Variants in RASSF1 observed in about 807,000 individuals in gnomAD.
The protein encoded by RASSF1 is Ras association domain family member 1, also known as ras association domain-containing protein 1.
RASSF1 carries 33 observed loss-of-function variants against 34.3 expected under a neutral mutation model. The ratio of observed to expected loss-of-function variants is 0.96; its 90% confidence interval spans 0.73 to 1.29. RASSF1 has a LOEUF of 1.29. RASSF1 is among the 50% of genes most tolerant of loss of function. RASSF1 has a pLI of 0.00. For synonymous variants in RASSF1, 191 were observed against 195.0 expected, an observed-to-expected ratio of 0.98 and a Z score of 0.17; for missense variants, 445 against 471.8, an observed-to-expected ratio of 0.94 and a Z score of 0.53.
At chr3:50,331,517 G>A (rs377356708) in intron 4 of RASSF1, 42 bp downstream of exon 4, 12 of 859,678 alleles carry the variant, frequency 1.4e-5, no homozygotes, top group African/African-American at 5.2e-5. Flanking sequence ...AGGTGCATGC[G>A]TATATACCCT....
chr3:50,337,321 G>A (rs1703181862), intron 2 of RASSF1: 1 of 1,611,684 alleles, frequency 6.2e-7, no homozygotes, highest in Non-Finnish European at 8.5e-7. Context: ...CTCGCCCATA[G>A]CCGTACCCGC....
chr3:50,334,101 A>C (rs370778575), intron 2 of RASSF1, among the ~76,000 whole-genome samples: 2 of 152,134 alleles, frequency 1.3e-5, no homozygotes, highest in Non-Finnish European at 2.9e-5. Flanking sequence ...GAGTCCCCTT[A>C]AGCACTTAAA....
intron 2 of RASSF1, chr3:50,336,723 G>T: frequency 5.7e-6 from 1 of 175,772 alleles, no homozygotes; most frequent in Non-Finnish European, 1.2e-5. Context: ...TGGAGGAGCA[G>T]GATCTCTCTC....
At chr3:50,337,846 G>C in intron 2 of RASSF1, 59 bp downstream of exon 2, 3 of 1,449,058 alleles carry the variant, frequency 2.1e-6, no homozygotes, top group Non-Finnish European at 2.9e-6. Flanking sequence ...CCTCGAGAAT[G>C]CCTGCACTGT....
At chr3:50,337,786 G>T (rs1192005902) in intron 2 of RASSF1, 119 bp downstream of exon 2, 1 of 1,115,122 alleles carries the variant, frequency 9.0e-7, no homozygotes, top group Non-Finnish European at 1.3e-6. Context: ...TCTCTGTGCC[G>T]CCGGGAAATC....
intron 2 of RASSF1, chr3:50,337,618 C>G: frequency 9.1e-7 from 1 of 1,102,906 alleles, no homozygotes; most frequent in Non-Finnish European, 1.3e-6. Flanking sequence ...GGCAAGCGCA[C>G]AAGAGTGGCC....
At position 50,340,481 on chromosome 3, in the gene RASSF1, G is replaced by A. The variant is rs1703324273; in HGVS notation, c.250+75C>T. 14 of 1,382,894 alleles carry A rather than the reference G, an allele frequency of 1.0e-5. No homozygotes were observed. The Admixed American group carries it at 2.2e-4, about 21-fold the overall frequency. 85.7% of individuals were successfully genotyped at this position (1,382,894 alleles called of 1,614,324 possible). On this transcript the variant is annotated intron_variant, in intron 1 of 5. Transcript: ENST00000359365. ...TGTCCCCGCCGACCCCCTCTGCCGC[G>A]ACTTGACCCGCGGCGACTGCGCTGC...
At position 50,337,914 on chromosome 3, in the gene RASSF1, G is replaced by A. The variant is rs1703219998; in HGVS notation, c.348C>T (p.Asp116=). 2 of 1,607,972 alleles carry A rather than the reference G, an allele frequency of 1.2e-6. No homozygotes were observed. The highest frequency in any genetic ancestry group is 1.7e-5 in the Admixed American group (1 of 59,930). Residue 116 remains aspartate, a synonymous_variant, in exon 2 of 6, where the codon GAC becomes GAT. Coordinates refer to ENST00000359365, the MANE Select transcript of RASSF1 (RefSeq NM_007182.5). ...DLGWEPAVER[D]TNVDEPVEWE... is the part of the protein sequence containing the mutation. ...TCGGCCCCGCGCTCACCACGTTCGT[G>A]TCCCGCTCCACCGCGGGTTCCCAGC...
Position 50,330,252 on chromosome 3 carries a change from T to C in RASSF1, c.*329A>G. The C allele has an allele frequency of 3.5e-6, 1 of 283,982 alleles. No individual in the cohort carries two copies. Among genetic ancestry groups the C allele is most frequent in the Non-Finnish European group, 6.7e-6 (1 of 148,216 alleles). 17.6% of individuals were successfully genotyped at this position (283,982 alleles called of 1,614,324 possible). ...CCTGCAAACATGACCCTGTTCTGTTTGCAGGGTCTCCAAGATTTTCACTTC... is the reference window on the plus strand; with the variant it reads ...CCTGCAAACATGACCCTGTTCTGTTCGCAGGGTCTCCAAGATTTTCACTTC... On this transcript the variant is annotated 3_prime_UTR_variant, in exon 6 of 6. Coordinates refer to ENST00000359365, the MANE Select transcript of RASSF1 (RefSeq NM_007182.5). The surrounding 1 kb of genome is among the most constrained non-coding windows in gnomAD (Gnocchi z 4.5).
At chr3:50,336,909 T>C in intron 2 of RASSF1, 1 of 532,458 alleles carries the variant, frequency 1.9e-6, no homozygotes, top group South Asian at 2.2e-5. Flanking sequence ...CCGGCTCAGG[T>C]CTACCACAAG....
rs1019569278 is a variant in RASSF1 at position 50,338,163 on chromosome 3, C to T, written c.251-152G>A. On this transcript the variant is annotated intron_variant, in intron 1 of 5. Transcript: ENST00000359365. ...GTTACCTCACACTGCTACGCGGACT[C>T]TAATGTTGGCCACCTGGGCGTCTGG... is the stretch of plus-strand genomic sequence containing the variant. 2.6e-5 allele frequency: 37 copies of T among 1,422,192 alleles called. No homozygotes were observed. In the Middle Eastern group the frequency reaches 1.3e-3, roughly 48 times the overall value. 88.1% of individuals were successfully genotyped at this position (1,422,192 alleles called of 1,614,324 possible). A position where few individuals can be genotyped will look rare whatever the true frequency, so the allele number is the denominator to read the frequency against.
intron 2 of RASSF1, chr3:50,337,492 C>A: frequency 2.0e-6 from 3 of 1,536,742 alleles, no homozygotes; most frequent in Non-Finnish European, 2.6e-6. Context: ...CTCATTGGGG[C>A]AGGAACGCCG....
At chr3:50,337,397 C>CGTGTCA (rs1264790215) in intron 2 of RASSF1, 7 of 1,590,200 alleles carry the variant, frequency 4.4e-6, no homozygotes, top group Non-Finnish European at 5.1e-6. Flanking sequence ...TGCGTGTACG[C>CGTGTCA]GTGTCAGTGT....
intron 5 of RASSF1, among the ~76,000 whole-genome samples, chr3:50,331,051 G>T (rs1702917689): frequency 6.6e-6 from 1 of 152,206 alleles, no homozygotes; most frequent in African/African-American, 2.4e-5. Flanking sequence ...AAAGTCTGAA[G>T]GGGGCCTCCT....
At chr3:50,339,425 G>T (rs1393190178) in intron 1 of RASSF1, among the ~76,000 whole-genome samples, 2 of 145,782 alleles carry the variant, frequency 1.4e-5, no homozygotes, top group Non-Finnish European at 3.0e-5. Flanking sequence ...GAGGGCAGTG[G>T]CACGATCTCG....
In RASSF1 at chr3:50,337,906, A is replaced by T; in HGVS notation, c.356T>A (p.Val119Glu). 6.2e-7 allele frequency: 1 copy of T among 1,601,876 alleles called. No individual in the cohort carries two copies. Among genetic ancestry groups the T allele is most frequent in the Non-Finnish European group, 8.5e-7 (1 of 1,170,124 alleles). Residue 119 changes from valine to glutamate, a missense_variant and splice_region_variant, in exon 2 of 6, where the codon GTG (valine) becomes GAG (glutamate). Coordinates refer to ENST00000359365, the MANE Select transcript of RASSF1 (RefSeq NM_007182.5). ...WEPAVERDTN[V>E]DEPVEWETPD... ...ATACGCCCTCGGCCCCGCGCTCACCACGTTCGTGTCCCGCTCCACCGCGGG... is the reference window on the plus strand; with the variant it reads ...ATACGCCCTCGGCCCCGCGCTCACCTCGTTCGTGTCCCGCTCCACCGCGGG...
Position 50,338,056 on chromosome 3 carries a change from G to A in RASSF1, c.251-45C>T, listed in dbSNP as rs765828207. On this transcript the variant is annotated intron_variant, in intron 1 of 5. Coordinates refer to ENST00000359365, the MANE Select transcript of RASSF1 (RefSeq NM_007182.5). ...TGAGGCGGAGGAGCTCCAGGTCGGG[G>A]AAATGTCCCGGAGATTGAAGGGAAG... is the stretch of plus-strand genomic sequence containing the variant. 2.6e-6 allele frequency: 4 copies of A among 1,543,758 alleles called. No homozygotes were observed. In the South Asian group the frequency reaches 4.8e-5, roughly 18 times the overall value.
At position 50,330,584 on chromosome 3, in the gene RASSF1, C is replaced by A; in HGVS notation, c.1020G>T (p.Gly340=). 1 of 1,613,952 alleles carries A rather than the reference C, an allele frequency of 6.2e-7. No individual in the cohort carries two copies. The highest frequency in any genetic ancestry group is 1.3e-5 in the African/African-American group (1 of 75,052). The change falls in exon 6 of 6, where the codon GGG becomes GGT. Residue 340 remains glycine (G), a synonymous_variant. Coordinates refer to ENST00000359365, the MANE Select transcript of RASSF1 (RefSeq NM_007182.5). The surrounding 1 kb of genome is among the most constrained non-coding windows in gnomAD (Gnocchi z 4.5). ...TTCCACCTGGGGGTACAAGAGGTCA[C>A]CCAAGGGGGCAGGCGTGCAGGGCCT... The part of the protein sequence containing the change: ...IQEALHACPL[G]
chr3:50,333,741 A>G (rs1342748150), intron 2 of RASSF1, among the ~76,000 whole-genome samples: 1 of 152,098 alleles, frequency 6.6e-6, no homozygotes, highest in East Asian at 1.9e-4. Flanking sequence ...TCACCTCCCA[A>G]AGTGCTGGGA....
Sources: gnomAD v4.1 joint callset for allele counts (sites outside exome capture counted in the v4.1 genomes callset) on GRCh38, gnomAD v4.1.1 for gene constraint, Gnocchi (gnomAD v3.1) non-coding constraint, MANE v1.5 for transcripts, NCBI Gene and HGNC (gene_info 2026-07-23, HGNC 2026-07-21) for gene names.